The following TBC1D16 variants were observed in gnomAD, a reference collection of about 807,000 sequenced individuals.
The protein encoded by TBC1D16 is CTD-2529O21.1.
In TBC1D16, 58 loss-of-function variants were observed where a neutral mutation model predicts 74.7. The observed-to-expected ratio is 0.78, with a 90% CI of 0.63 to 0.97. TBC1D16 has a LOEUF of 0.97. Among genes scored for constraint, TBC1D16 ranks in the 50% least tolerant of loss-of-function variants. The pLI is 0.00. For synonymous variants in TBC1D16, 493 were observed against 474.7 expected (o/e 1.04, Z -0.50); for missense variants, 1,014 against 1,079.5 (o/e 0.94, Z 0.85).
At chr17:79,968,802 G>C (rs1480033968) in intron 3 of TBC1D16, among the ~76,000 whole-genome samples, 2 of 122,974 alleles carry the variant, frequency 1.6e-5, no homozygotes, top group Non-Finnish European at 3.2e-5. Flanking sequence ...GCAGTGAGCT[G>C]AGATCGCACC....
Position 79,990,611 on chromosome 17 carries a change from T to C in TBC1D16, c.779+19549A>G, listed in dbSNP as rs543917795. The stretch of plus-strand genomic sequence containing the variant: ...GTGGTAAAATGTCCATAACATAAAA[T>C]TCACCACCTTAACCGTTTTCAACGT... On this transcript the variant is annotated intron_variant, in intron 3 of 11. Coordinates refer to ENST00000310924, the MANE Select transcript of TBC1D16 (RefSeq NM_019020.4). This position sits in a 1 kb window ranked among gnomAD's most constrained non-coding sequence, Gnocchi z 4.8. Among the ~76,000 whole-genome samples, 10 of 152,362 alleles carry C rather than the reference T, an allele frequency of 6.6e-5. No individual in the cohort carries two copies. The highest frequency in any genetic ancestry group is 2.2e-4 in the African/African-American group (9 of 41,582).
Position 79,994,186 on chromosome 17 carries a change from G to A in TBC1D16, c.779+15974C>T, listed in dbSNP as rs964475860. ...AGTCAATAACAGCATGGTTTAAGAC[G>A]GCCCACCAGATGCACTGGCTCCGCC... On this transcript the variant is annotated intron_variant, in intron 3 of 11. Transcript: ENST00000310924. This position sits in a 1 kb window ranked among gnomAD's most constrained non-coding sequence, Gnocchi z 4.6. Among the ~76,000 whole-genome samples the A allele has an allele frequency of 5.3e-5, 8 of 151,644 alleles. No homozygotes were observed. The South Asian group carries it at 1.5e-3, about 28-fold the overall frequency.
chr17:79,987,403 C>T lies in TBC1D16; in HGVS notation c.779+22757G>A, dbSNP rs369746352. On this transcript the variant is annotated intron_variant, in intron 3 of 11. Transcript: ENST00000310924. The surrounding 1 kb of genome is among the most constrained non-coding windows in gnomAD (Gnocchi z 5.2). ...CTGGGACCACAGGTGCACGCCATCA[C>T]GCCCAGCTAAATTTTTTATTTTTTA... Among the ~76,000 whole-genome samples, 5 of 151,790 alleles carry T rather than the reference C, an allele frequency of 3.3e-5. No individual in the cohort carries two copies.
In TBC1D16 at chr17:79,938,214, C is replaced by A. The variant is rs144451339; in HGVS notation, c.*2645G>T. ...AGGGGCGGGGCTTCTCCATCCCCCG[C>A]GGAGCAGCGTCTCCTCCGCCAAGCC... On this transcript the variant is annotated 3_prime_UTR_variant, in exon 12 of 12. Coordinates refer to ENST00000310924, the MANE Select transcript of TBC1D16 (RefSeq NM_019020.4). The A allele has an allele frequency of 2.6e-5, 4 of 152,200 alleles. No individual in the cohort carries two copies. Among genetic ancestry groups the A allele is most frequent in the African/African-American group, 9.7e-5 (4 of 41,432 alleles). 9.4% of individuals were successfully genotyped at this position (152,200 alleles called of 1,614,324 possible).
rs1056761999 is a variant in TBC1D16, at chr17:79,979,900, G to T, written c.780-27082C>A. Among the ~76,000 whole-genome samples the T allele has an allele frequency of 6.6e-6, 1 of 152,100 alleles. No individual in the cohort carries two copies. The highest frequency in any genetic ancestry group is 1.5e-5 in the Non-Finnish European group (1 of 68,026). On this transcript the variant is annotated intron_variant, in intron 3 of 11. Coordinates refer to ENST00000310924, the MANE Select transcript of TBC1D16 (RefSeq NM_019020.4). The surrounding 1 kb of genome is among the most constrained non-coding windows in gnomAD (Gnocchi z 4.8). ...TGGCTTCCAGGTGGTGGGCTCTGCGGGCCAGAGCTTGGGGCGCAGGAGGCC... is the reference window on the plus strand; with the variant it reads ...TGGCTTCCAGGTGGTGGGCTCTGCGTGCCAGAGCTTGGGGCGCAGGAGGCC...
chr17:79,945,736 G>A (rs975600113), intron 9 of TBC1D16, among the ~76,000 whole-genome samples: 5 of 152,252 alleles, frequency 3.3e-5, no homozygotes, highest in Non-Finnish European at 5.9e-5. Flanking sequence ...AGAGGCGAAT[G>A]GCGTTGGACA....
chr17:79,943,455 G>T (rs533265401), intron 10 of TBC1D16, among the ~76,000 whole-genome samples: 1 of 152,154 alleles, frequency 6.6e-6, no homozygotes, highest in African/African-American at 2.4e-5. Flanking sequence ...GACAGCGGAC[G>T]GATAGCATCA....
At position 80,010,207 on chromosome 17, in the gene TBC1D16, C is replaced by T. The variant is rs1012758241; in HGVS notation, c.732G>A (p.Ala244=). 12 of 1,612,888 alleles carry T rather than the reference C, an allele frequency of 7.4e-6. No individual in the cohort carries two copies. Among genetic ancestry groups the T allele is most frequent in the East Asian group, 6.7e-5 (3 of 44,866 alleles). The part of the protein sequence containing the change: ...SSPFCLSPIS[A]ALAESRGSVF... ...CGGAGCCGCGGCTCTCGGCCAGCGC[C>T]GCGCTGATGGGCGAGAGGCAGAAGG... The change falls in exon 3 of 12, where the codon GCG becomes GCA. Residue 244 remains alanine (A), a synonymous_variant. Coordinates refer to ENST00000310924, the MANE Select transcript of TBC1D16 (RefSeq NM_019020.4). The surrounding 1 kb of genome is among the most constrained non-coding windows in gnomAD (Gnocchi z 8.8).
chr17:79,949,146 C>T, intron 7 of TBC1D16, 140 bp from the exon 8 acceptor site: 1 of 1,085,364 alleles, frequency 9.2e-7, no homozygotes, highest in South Asian at 1.5e-5. Flanking sequence ...CGGCTGCAGA[C>T]CCTCCCCGGA....
At chr17:80,022,094 A>T (rs539276109) in intron 1 of TBC1D16, among the ~76,000 whole-genome samples, 9 of 149,848 alleles carry the variant, frequency 6.0e-5, no homozygotes, top group Admixed American at 1.3e-4. Flanking sequence ...CAAGCTAAAG[A>T]TCGTTAAACA....
At chr17:80,029,331 T>C (rs1165060187) in intron 1 of TBC1D16, among the ~76,000 whole-genome samples, 1 of 152,154 alleles carries the variant, frequency 6.6e-6, no homozygotes, top group Non-Finnish European at 1.5e-5. Flanking sequence ...AGCAGATCTA[T>C]TCTTTCACAA....
rs1397606370 is a variant in TBC1D16, at chr17:79,954,076, T to C, written c.780-1258A>G. On this transcript the variant is annotated intron_variant, in intron 3 of 11. Transcript: ENST00000310924. The surrounding 1 kb of genome is among the most constrained non-coding windows in gnomAD (Gnocchi z 5.5). ...TGAGCCATCGCGCCTGACACTCTCT[T>C]GAGATTTAATGTCTAGCAAATGTCT... Among the ~76,000 whole-genome samples the C allele has an allele frequency of 1.3e-5, 2 of 152,112 alleles. No individual in the cohort carries two copies. The highest frequency in any genetic ancestry group is 2.9e-5 in the Non-Finnish European group (2 of 68,014).
rs2034504248 is a variant in TBC1D16 at position 79,979,865 on chromosome 17, GGGTGGGCTCTGGCTTCCAGGT to G, written c.780-27068_780-27048del. Among the ~76,000 whole-genome samples the G allele has an allele frequency of 1.3e-5, 2 of 152,062 alleles. No individual in the cohort carries two copies. Among genetic ancestry groups the G allele is most frequent in the African/African-American group, 4.8e-5 (2 of 41,414 alleles). On this transcript the variant is annotated intron_variant, in intron 3 of 11. Coordinates refer to ENST00000310924, the MANE Select transcript of TBC1D16 (RefSeq NM_019020.4). The surrounding 1 kb of genome is among the most constrained non-coding windows in gnomAD (Gnocchi z 4.8). ...TCTTCACAGACAGAGGCCTTGCTAT[GGGTGGGCTCTGGCTTCCAGGT>G]GGTGGGCTCTGCGGGCCAGAGCTTG...
At position 79,988,666 on chromosome 17, in the gene TBC1D16, G is replaced by C. The variant is rs1297495070; in HGVS notation, c.779+21494C>G. Reference sequence around the variant, plus strand: ...CAAAGGGGAAAAAATTAACATTAAGGGCAAAAAGACTTTTTCTGGAGGGTC... The same window carrying C: ...CAAAGGGGAAAAAATTAACATTAAGCGCAAAAAGACTTTTTCTGGAGGGTC... On this transcript the variant is annotated intron_variant, in intron 3 of 11. Transcript: ENST00000310924. This position sits in a 1 kb window ranked among gnomAD's most constrained non-coding sequence, Gnocchi z 5.7. 6.6e-6 allele frequency among the ~76,000 whole-genome samples: 1 copy of C among 152,212 alleles called. No individual in the cohort carries two copies. Among genetic ancestry groups the C allele is most frequent in the African/African-American group, 2.4e-5 (1 of 41,448 alleles).
chr17:80,011,553 G>A (rs934860199), intron 2 of TBC1D16, among the ~76,000 whole-genome samples: 4 of 152,182 alleles, frequency 2.6e-5, no homozygotes, highest in African/African-American at 4.8e-5. Flanking sequence ...ACAGCCAGGC[G>A]TGATGGCTCA....
At chr17:79,958,680 C>T (rs2033457063) in intron 3 of TBC1D16, among the ~76,000 whole-genome samples, 2 of 152,238 alleles carry the variant, frequency 1.3e-5, no homozygotes, top group South Asian at 4.1e-4. Context: ...GAAAAGCATT[C>T]GACAAAAATC....
At chr17:80,003,895 A>C (rs1261241830) in intron 3 of TBC1D16, among the ~76,000 whole-genome samples, 1 of 152,168 alleles carries the variant, frequency 6.6e-6, no homozygotes, top group Non-Finnish European at 1.5e-5. Context: ...AAAAAATAAA[A>C]TAAATGAACG....
chr17:80,031,073 C>G (rs566261640), intron 1 of TBC1D16, among the ~76,000 whole-genome samples: 1 of 152,226 alleles, frequency 6.6e-6, no homozygotes, highest in Non-Finnish European at 1.5e-5. Context: ...TGCCCAGAGC[C>G]AGGCAGGGGC....
intron 3 of TBC1D16, among the ~76,000 whole-genome samples, chr17:79,972,421 C>T (rs145196606): frequency 0.016 from 2,416 of 152,184 alleles, 57 homozygotes; most frequent in African/African-American, 0.055. Context: ...GTGGTCCACC[C>T]GCCTTGGCCT....
Sources: gnomAD v4.1 joint callset for allele counts (sites outside exome capture counted in the v4.1 genomes callset) on GRCh38, gnomAD v4.1.1 for gene constraint, Gnocchi (gnomAD v3.1) non-coding constraint, MANE v1.5 for transcripts, NCBI Gene and HGNC (gene_info 2026-07-23, HGNC 2026-07-21) for gene names.